Variants in BOK observed in about 807,000 individuals in gnomAD.
BOK encodes BCL2 family apoptosis regulator BOK.
Under a neutral mutation model 18.3 loss-of-function variants are expected in BOK, and 20 were observed. The observed-to-expected ratio is 1.09, with a 90% CI of 0.77 to 1.59. The LOEUF (loss-of-function observed/expected upper bound fraction) is 1.59. BOK is among the 40% of genes most tolerant of loss of function. BOK has a pLI of 0.00. For missense variants in BOK, 348 were observed against 307.9 expected, an observed-to-expected ratio of 1.13 and a Z score of -0.97; for synonymous variants, 173 against 142.4, an observed-to-expected ratio of 1.21 and a Z score of -1.53.
At chr2:241,560,363 C>T in intron 2 of BOK, 3 of 896,600 alleles carry the variant, frequency 3.3e-6, no homozygotes, top group South Asian at 1.0e-4. Flanking sequence ...TATGTGATGC[C>T]CGAAGAGGGC....
Position 241,562,591 on chromosome 2 carries a change from C to A in BOK, c.349+115C>A. The A allele has an allele frequency of 7.5e-7, 1 of 1,331,454 alleles. No homozygotes were observed. Among genetic ancestry groups the A allele is most frequent in the Non-Finnish European group, 9.9e-7 (1 of 1,005,214 alleles). The allele number at this position is 1,331,454 out of a possible 1,614,324, so 82.5% of individuals were successfully genotyped here. A position where few individuals can be genotyped will look rare whatever the true frequency, so the allele number is the denominator to read the frequency against. On this transcript the variant is annotated intron_variant, in intron 3 of 4. Transcript: ENST00000318407. This position sits in a 1 kb window ranked among gnomAD's most constrained non-coding sequence, Gnocchi z 4.5. ...ACCCATCCTGGCGCTGCCCAGTGCC[C>A]ACCGGTGCCATCTCACTGCTGCAGG...
In BOK at chr2:241,559,450, C is replaced by T. The variant is rs1367605131; in HGVS notation, c.-29-5C>T. The T allele has an allele frequency of 2.1e-6, 3 of 1,410,992 alleles. No individual in the cohort carries two copies. The highest frequency in any genetic ancestry group is 2.3e-4 in the Middle Eastern group (1 of 4,412). 87.4% of individuals were successfully genotyped at this position (1,410,992 alleles called of 1,614,324 possible). On this transcript the variant is annotated splice_polypyrimidine_tract_variant and splice_region_variant and intron_variant, in intron 1 of 4. Transcript: ENST00000318407. The stretch of plus-strand genomic sequence containing the variant: ...CTCCACCCGGCTGAGCGCTTGTGCC[C>T]GCAGGTGCGGCGCCCCCCACCCGCG...
rs1375922927 is a variant in BOK, at chr2:241,573,212, C to CCCAGGTGAAGGGG, written c.*792_*793insAGGTGAAGGGGCC. 3 of 133,288 alleles carry CCCAGGTGAAGGGG rather than the reference C, an allele frequency of 2.3e-5. No homozygotes were observed. Among genetic ancestry groups the CCCAGGTGAAGGGG allele is most frequent in the Admixed American group, 7.3e-5 (1 of 13,658 alleles). 8.3% of individuals were successfully genotyped at this position (133,288 alleles called of 1,614,324 possible). A position where few individuals can be genotyped will look rare whatever the true frequency, so the allele number is the denominator to read the frequency against. On this transcript the variant is annotated 3_prime_UTR_variant, in exon 5 of 5. Coordinates refer to ENST00000318407, the MANE Select transcript of BOK (RefSeq NM_032515.5). ...CCGGAACACCTGCTCTCACCTGAGC[C>CCCAGGTGAAGGGG]CCCGGTGAAGGGGCCCGGAACACTT...
intron 1 of BOK, among the ~76,000 whole-genome samples, chr2:241,553,581 C>T (rs928043899): frequency 1.3e-5 from 2 of 152,170 alleles, no homozygotes; most frequent in South Asian, 4.1e-4. Flanking sequence ...AGAGACGTGT[C>T]TTACGAGGCG....
At chr2:241,552,038 G>A (rs1046459895) in intron 1 of BOK, among the ~76,000 whole-genome samples, 4 of 152,250 alleles carry the variant, frequency 2.6e-5, no homozygotes, top group African/African-American at 9.6e-5. Context: ...AGGCTGCAGA[G>A]GCAGGAGGGG....
chr2:241,553,316 A>G (rs952925882), intron 1 of BOK, among the ~76,000 whole-genome samples: 22 of 152,060 alleles, frequency 1.4e-4, no homozygotes, highest in African/African-American at 5.3e-4. Context: ...ACACCCAGCT[A>G]ATTTTTTGTA....
At chr2:241,555,470 G>A (rs2066444001), upstream of BOK, among the ~76,000 whole-genome samples, 1 of 152,048 alleles carries the variant, frequency 6.6e-6, no homozygotes, top group Non-Finnish European at 1.5e-5. Context: ...CCGACTCCTG[G>A]GTTCAAGCAA....
upstream of BOK, among the ~76,000 whole-genome samples, chr2:241,556,539 C>T (rs995122500): frequency 2.8e-4 from 41 of 144,572 alleles, no homozygotes; most frequent in Admixed American, 9.4e-4. Flanking sequence ...GCCGAGTTTA[C>T]GCCATTGCAC....
chr2:241,556,581 CAAA>C (rs55866928), upstream of BOK, among the ~76,000 whole-genome samples: 198 of 86,774 alleles, frequency 2.3e-3, no homozygotes, highest in African/African-American at 8.6e-3. Context: ...GACTCCGTCT[CAAA>C]AAAAAAAAAA....
intron 4 of BOK, among the ~76,000 whole-genome samples, chr2:241,570,956 A>C (rs2066707265): frequency 8.1e-6 from 1 of 122,804 alleles, no homozygotes; most frequent in Non-Finnish European, 1.7e-5. Flanking sequence ...GTGCAGAGGT[A>C]CAGGAGGGAG....
chr2:241,559,664 G>C lies in BOK; in HGVS notation c.181G>C (p.Gly61Arg), dbSNP rs766772349. Reference protein sequence around the residue: ...SAPERAAPVPGRLAEVCAVLL... With the variant: ...SAPERAAPVPRRLAEVCAVLL... Reference sequence around the variant, plus strand: ...GCCCGAGCGTGCCGCGCCGGTCCCGGGACGCCTGGCTGAGGTGTGCGCGGT... The same window carrying C: ...GCCCGAGCGTGCCGCGCCGGTCCCGCGACGCCTGGCTGAGGTGTGCGCGGT... Residue 61 changes from glycine to arginine, a missense_variant, in exon 2 of 5, where the codon GGA (glycine) becomes CGA (arginine). Transcript: ENST00000318407. 3 of 1,380,768 alleles carry C rather than the reference G, an allele frequency of 2.2e-6. No homozygotes were observed. In the African/African-American group the frequency reaches 4.6e-5, roughly 21 times the overall value. The allele number at this position is 1,380,768 out of a possible 1,614,324, so 85.5% of individuals were successfully genotyped here. A position where few individuals can be genotyped will look rare whatever the true frequency, so the allele number is the denominator to read the frequency against.
At chr2:241,565,073 C>T (rs972788412) in intron 3 of BOK, among the ~76,000 whole-genome samples, 1 of 152,160 alleles carries the variant, frequency 6.6e-6, no homozygotes, top group Non-Finnish European at 1.5e-5. Context: ...GGGCACACAG[C>T]TGACGGGGAA....
At chr2:241,572,246 G>A in intron 4 of BOK, 51 bp from the exon 5 acceptor site, 1 of 1,594,360 alleles carries the variant, frequency 6.3e-7, no homozygotes, top group Non-Finnish European at 8.5e-7. Flanking sequence ...CGGTGCTGGG[G>A]GCCTGGCGGT....
In BOK at chr2:241,571,428, G is replaced by A. The variant is rs115370878; in HGVS notation, c.514-869G>A. 7.5e-3 allele frequency among the ~76,000 whole-genome samples: 1,132 copies of A among 151,750 alleles called. 22 individuals carry two copies. Among genetic ancestry groups the A allele is most frequent in the African/African-American group, 0.026 (1,068 of 41,494 alleles). On this transcript the variant is annotated intron_variant, in intron 4 of 4. Transcript: ENST00000318407. ...TAAATCAGCGGCCAGGGGTGACAGC[G>A]CTCAGACCCCTCTGCTGGGGCCTTA...
At position 241,570,206 on chromosome 2, in the gene BOK, C is replaced by T; in HGVS notation, c.431C>T (p.Ala144Val). Residue 144 changes from alanine (A) to valine (V), a missense_variant, in exon 4 of 5, where the codon GCC becomes GTC. Ala to Val is a moderately conservative substitution (Grantham distance 64). Coordinates refer to ENST00000318407, the MANE Select transcript of BOK (RefSeq NM_032515.5). ...GACTGTGTGAGGCAGGCCCAGCCTG[C>T]CATGGTCCACGCCCTCGTGGACTGC... The part of the protein sequence containing the change: ...AVDCVRQAQP[A>V]MVHALVDCLG... The T allele has an allele frequency of 6.2e-7, 1 of 1,605,430 alleles. No individual in the cohort carries two copies. The highest frequency in any genetic ancestry group is 8.5e-7 in the Non-Finnish European group (1 of 1,177,530).
chr2:241,571,504 C>T (rs556409600), intron 4 of BOK, among the ~76,000 whole-genome samples: 1 of 152,270 alleles, frequency 6.6e-6, no homozygotes, highest in Non-Finnish European at 1.5e-5. Flanking sequence ...GGGCTGTGGT[C>T]TCCTCTGAAG....
upstream of BOK, among the ~76,000 whole-genome samples, chr2:241,556,272 C>T (rs1290279577): frequency 6.6e-6 from 1 of 152,230 alleles, no homozygotes; most frequent in Non-Finnish European, 1.5e-5. Flanking sequence ...GCACTTACTA[C>T]ATGACATGGA....
At chr2:241,572,223 C>CT in intron 4 of BOK, 74 bp from the exon 5 acceptor site, 2 of 1,582,056 alleles carry the variant, frequency 1.3e-6, no homozygotes, top group Non-Finnish European at 1.7e-6. Flanking sequence ...GTGCACGGTG[C>CT]TGGGGGGCCT....
intron 1 of BOK, among the ~76,000 whole-genome samples, chr2:241,552,859 C>T (rs2066423961): frequency 6.6e-6 from 1 of 152,214 alleles, no homozygotes; most frequent in Non-Finnish European, 1.5e-5. Flanking sequence ...TCAGAGGCAG[C>T]CTGCAGTGAC....
Sources: allele counts gnomAD v4.1 joint callset (sites outside exome capture counted in the v4.1 genomes callset), GRCh38; gene constraint gnomAD v4.1.1; non-coding constraint Gnocchi (gnomAD v3.1); transcripts MANE v1.5; gene names NCBI Gene and HGNC (gene_info 2026-07-23, HGNC 2026-07-21).